Variants in PIK3C2G observed in about 807,000 individuals in gnomAD.
PIK3C2G encodes the protein phosphatidylinositol 3-kinase C2 domain-containing subunit gamma.
A neutral mutation model predicts 181.1 loss-of-function variants in PIK3C2G; 168 were observed. That is an observed-to-expected ratio of 0.93 (90% CI 0.82 to 1.05). PIK3C2G has a LOEUF of 1.05. PIK3C2G is among the 50% of genes least tolerant of loss of function. The pLI, the probability that PIK3C2G is intolerant of heterozygous loss-of-function variation, is 0.00. For missense variants in PIK3C2G, 1,869 were observed against 1,732.8 expected, an observed-to-expected ratio of 1.08 and a Z score of -1.40; for synonymous variants, 573 against 592.2, an observed-to-expected ratio of 0.97 and a Z score of 0.47.
chr12:18,553,544 T>C (rs79117541), intron 26 of PIK3C2G, among the ~76,000 whole-genome samples: 2,123 of 152,216 alleles, frequency 0.014, 46 homozygotes, highest in African/African-American at 0.048. Flanking sequence ...GACATTTACG[T>C]AAGACTAGCT....
intron 18 of PIK3C2G, among the ~76,000 whole-genome samples, chr12:18,428,884 A>C (rs1306834701): frequency 6.6e-6 from 1 of 152,130 alleles, no homozygotes; most frequent in African/African-American, 2.4e-5. Context: ...CCCCTCCCCC[A>C]TTATGTAACA....
chr12:18,568,348 TAGTC>T (rs1424108425), intron 29 of PIK3C2G, among the ~76,000 whole-genome samples: 4 of 151,820 alleles, frequency 2.6e-5, no homozygotes, highest in East Asian at 1.9e-4. Context: ...GAGAGCTTGT[TAGTC>T]AGGGTTCTCT....
chr12:18,321,544 C>T lies in PIK3C2G; in HGVS notation c.1208+512C>T, dbSNP rs138380287. ...ATTATTTGGAAGAACAGACTTATTG[C>T]GTAGCTAAACTGGGAGTTTGGGTGT... On this transcript the variant is annotated intron_variant, in intron 7 of 32. Transcript: ENST00000538779. Among the ~76,000 whole-genome samples, 1,203 of 152,260 alleles carry T rather than the reference C, an allele frequency of 7.9e-3. 15 individuals are homozygous for T. Among genetic ancestry groups the T allele is most frequent in the African/African-American group, 0.027 (1,140 of 41,544 alleles).
intron 18 of PIK3C2G, among the ~76,000 whole-genome samples, chr12:18,466,286 T>A (rs1166779324): frequency 6.6e-6 from 1 of 151,784 alleles, no homozygotes; most frequent in African/African-American, 2.4e-5. Flanking sequence ...TGTCTGATAA[T>A]TACAACTGCT....
At chr12:18,676,963 A>G in the PIK3C2G span, among the ~76,000 whole-genome samples, 1 of 152,178 alleles carries the variant, frequency 6.6e-6, no homozygotes, top group Non-Finnish European at 1.5e-5. Flanking sequence ...ATTTCCCAGA[A>G]CATCTGGTTC....
At chr12:18,427,963 G>A (rs573883348) in intron 18 of PIK3C2G, among the ~76,000 whole-genome samples, 24 of 152,232 alleles carry the variant, frequency 1.6e-4, no homozygotes, top group Admixed American at 3.3e-4. Flanking sequence ...GGTCACACGT[G>A]TAGGTTTGTT....
At chr12:18,423,541 T>C (rs532206521) in intron 17 of PIK3C2G, among the ~76,000 whole-genome samples, 23 of 152,288 alleles carry the variant, frequency 1.5e-4, no homozygotes, top group African/African-American at 5.3e-4. Flanking sequence ...TTGATAATGA[T>C]ACACCAGTTG....
intron 10 of PIK3C2G, among the ~76,000 whole-genome samples, chr12:18,343,583 A>C (rs1430970506): frequency 6.6e-6 from 1 of 151,970 alleles, no homozygotes; most frequent in East Asian, 1.9e-4. Flanking sequence ...GCACTCTCTA[A>C]ACTTTTAGCC....
At chr12:18,339,194 C>T (rs1415519075) in intron 9 of PIK3C2G, among the ~76,000 whole-genome samples, 1 of 152,024 alleles carries the variant, frequency 6.6e-6, no homozygotes, top group Non-Finnish European at 1.5e-5. Flanking sequence ...AATATTACGA[C>T]ATCTGGTTAC....
intron 18 of PIK3C2G, among the ~76,000 whole-genome samples, chr12:18,466,068 CGT>C (rs10570614): frequency 5.3e-5 from 8 of 150,862 alleles, no homozygotes; most frequent in Admixed American, 2.7e-4. Flanking sequence ...TATTTATGTG[CGT>C]GTGTGTGTAT....
At chr12:18,565,899 C>G (rs1377911074) in intron 28 of PIK3C2G, among the ~76,000 whole-genome samples, 2 of 151,902 alleles carry the variant, frequency 1.3e-5, no homozygotes, top group African/African-American at 4.8e-5. Flanking sequence ...TCATTTCTCC[C>G]AAAAAAACTA....
intron 29 of PIK3C2G, among the ~76,000 whole-genome samples, chr12:18,590,898 C>T (rs767566858): frequency 2.6e-4 from 39 of 151,804 alleles, no homozygotes; most frequent in Non-Finnish European, 4.9e-4. Flanking sequence ...AAGGATATGA[C>T]GGTGTAAACA....
intron 1 of PIK3C2G, among the ~76,000 whole-genome samples, chr12:18,249,978 T>C (rs1948079885): frequency 6.6e-6 from 1 of 152,064 alleles, no homozygotes; most frequent in South Asian, 2.1e-4. Flanking sequence ...AATATTTCCT[T>C]GAAGGAGGTA....
At chr12:18,380,550 A>T (rs1942770672) in intron 13 of PIK3C2G, among the ~76,000 whole-genome samples, 1 of 152,152 alleles carries the variant, frequency 6.6e-6, no homozygotes, top group African/African-American at 2.4e-5. Flanking sequence ...TACCTCTATT[A>T]AACTAATTCA....
At chr12:18,701,567 T>A in the PIK3C2G span, 1 of 1,613,926 alleles carries the variant, frequency 6.2e-7, no homozygotes, top group East Asian at 2.2e-5. Flanking sequence ...CTTGATTGTC[T>A]CCTAAAACAG....
chr12:18,478,944 C>T (rs1027946011), intron 18 of PIK3C2G, among the ~76,000 whole-genome samples: 8 of 148,026 alleles, frequency 5.4e-5, no homozygotes, highest in Admixed American at 1.4e-4. Flanking sequence ...CACTGCACTC[C>T]AGTCTGGGTA....
chr12:18,583,772 G>GA (rs36079625), intron 29 of PIK3C2G, among the ~76,000 whole-genome samples: 56 of 147,278 alleles, frequency 3.8e-4, no homozygotes, highest in African/African-American at 8.0e-4. Context: ...TCAAAGATAA[G>GA]AAAAAAAAAA....
At chr12:18,589,297 T>A (rs1411068527) in intron 29 of PIK3C2G, among the ~76,000 whole-genome samples, 1 of 151,916 alleles carries the variant, frequency 6.6e-6, no homozygotes, top group Non-Finnish European at 1.5e-5. Flanking sequence ...AACAGTGTGA[T>A]GGGAATGTTA....
intron 14 of PIK3C2G, among the ~76,000 whole-genome samples, chr12:18,384,959 T>A (rs1456633244): frequency 6.6e-6 from 1 of 152,078 alleles, no homozygotes; most frequent in African/African-American, 2.4e-5. Flanking sequence ...ATAGTATCAG[T>A]TTAATTAAAT....
Sources: gnomAD v4.1 joint callset for allele counts (sites outside exome capture counted in the v4.1 genomes callset) on GRCh38, gnomAD v4.1.1 for gene constraint, MANE v1.5 for transcripts, NCBI Gene and HGNC (gene_info 2026-07-23, HGNC 2026-07-21) for gene names.